DLG2: variants seen among roughly 807,000 people sequenced by gnomAD.
DLG2 encodes discs large MAGUK scaffold protein 2.
A neutral mutation model predicts 132.5 loss-of-function variants in DLG2; 45 were observed. That is an observed-to-expected ratio of 0.34 (90% CI 0.27 to 0.44). The LOEUF is 0.44. Among genes scored for constraint, DLG2 ranks in the 20% least tolerant of loss-of-function variants. The probability of loss-of-function intolerance (pLI) is 1.00; values close to 1 mark genes in which losing one functional copy is unlikely to be tolerated. For synonymous variants in DLG2, 424 were observed against 419.6 expected (o/e 1.01, Z -0.13); for missense variants, 1,045 against 1,196.9 (o/e 0.87, Z 1.87).
chr11:84,567,584 C>G (rs980531477), intron 6 of DLG2, among the ~76,000 whole-genome samples: 1 of 152,158 alleles, frequency 6.6e-6, no homozygotes. Flanking sequence ...TAGCACTTGA[C>G]AAACTATTAA....
chr11:83,656,303 G>A (rs2072423370), intron 18 of DLG2, among the ~76,000 whole-genome samples: 1 of 152,184 alleles, frequency 6.6e-6, no homozygotes, highest in African/African-American at 2.4e-5. Context: ...AGGCCCGGTT[G>A]AATCCCTGCA....
chr11:85,270,257 T>C (rs1164785896), intron 4 of DLG2, among the ~76,000 whole-genome samples: 4 of 152,006 alleles, frequency 2.6e-5, no homozygotes, highest in Admixed American at 2.0e-4. Context: ...ATAAGTCTCA[T>C]GAGATCTGAT....
chr11:84,050,257 T>C (rs1267744219), intron 11 of DLG2, among the ~76,000 whole-genome samples: 1 of 151,358 alleles, frequency 6.6e-6, no homozygotes, highest in Non-Finnish European at 1.5e-5. Flanking sequence ...GGACCAGCAA[T>C]GAAGCCTATT....
chr11:85,110,256 C>A (rs534569443), intron 6 of DLG2, among the ~76,000 whole-genome samples: 27 of 150,950 alleles, frequency 1.8e-4, no homozygotes, highest in African/African-American at 6.3e-4. Context: ...ACCAAAAATA[C>A]GAAAAAAAAA....
In DLG2 at chr11:84,069,365, C is replaced by A. The variant is rs544629487; in HGVS notation, c.750-9881G>T. On this transcript the variant is annotated intron_variant, in intron 10 of 27. Coordinates refer to ENST00000376104, the MANE Select transcript of DLG2 (RefSeq NM_001142699.3). Reference sequence around the variant, plus strand: ...CCAAACCCAACCCCTCTATTTGCAGCTTTTCATTATTTGGAACAAAGCCTC... The same window carrying A: ...CCAAACCCAACCCCTCTATTTGCAGATTTTCATTATTTGGAACAAAGCCTC... 2.6e-5 allele frequency among the ~76,000 whole-genome samples: 4 copies of A among 152,296 alleles called. No individual in the cohort carries two copies. The South Asian group carries it at 6.2e-4, about 24-fold the overall frequency.
chr11:84,123,335 C>G (rs1035327919), intron 9 of DLG2, among the ~76,000 whole-genome samples: 4 of 152,154 alleles, frequency 2.6e-5, no homozygotes, highest in African/African-American at 9.7e-5. Context: ...CTTGGGTTAT[C>G]AGATCTTGGT....
chr11:84,991,199 A>G (rs951653747), intron 6 of DLG2, among the ~76,000 whole-genome samples: 12 of 152,200 alleles, frequency 7.9e-5, no homozygotes, highest in African/African-American at 2.9e-4. Context: ...GAGATTAAGT[A>G]TAAGATGAAG....
chr11:85,188,522 T>G (rs1275468049), intron 4 of DLG2, among the ~76,000 whole-genome samples: 1 of 151,976 alleles, frequency 6.6e-6, no homozygotes, highest in Non-Finnish European at 1.5e-5. Flanking sequence ...CAACAGAAAC[T>G]CTCTTAATGA....
chr11:84,300,441 T>C (rs1338134772), intron 7 of DLG2, among the ~76,000 whole-genome samples: 2 of 152,196 alleles, frequency 1.3e-5, no homozygotes, highest in Non-Finnish European at 2.9e-5. Context: ...GACAGGTGCA[T>C]AGATCACTCA....
chr11:85,137,769 A>G (rs1334064697), intron 5 of DLG2, among the ~76,000 whole-genome samples: 1 of 152,116 alleles, frequency 6.6e-6, no homozygotes, highest in Non-Finnish European at 1.5e-5. Flanking sequence ...TTCCCCATAT[A>G]CCCAGAACAG....
intron 3 of DLG2, among the ~76,000 whole-genome samples, chr11:85,343,452 A>C (rs1247792945): frequency 6.6e-6 from 1 of 152,130 alleles, no homozygotes; most frequent in Non-Finnish European, 1.5e-5. Context: ...TTCCAGATTT[A>C]ATACCATGCC....
chr11:85,423,899 G>A (rs929710757), intron 3 of DLG2, among the ~76,000 whole-genome samples: 3 of 152,046 alleles, frequency 2.0e-5, no homozygotes, highest in Non-Finnish European at 4.4e-5. Context: ...CCCCACCTAC[G>A]GAGTCTGTAC....
intron 2 of DLG2, among the ~76,000 whole-genome samples, chr11:85,612,520 A>C (rs2081076856): frequency 6.6e-6 from 1 of 152,250 alleles, no homozygotes; most frequent in East Asian, 1.9e-4. Flanking sequence ...GTACTTACAG[A>C]ATCAGGAAGG....
At chr11:84,983,942 A>C (rs1014384735) in intron 6 of DLG2, among the ~76,000 whole-genome samples, 2 of 152,156 alleles carry the variant, frequency 1.3e-5, no homozygotes, top group South Asian at 2.1e-4. Flanking sequence ...CAATCCAACA[A>C]AGACAAAGAA....
intron 7 of DLG2, among the ~76,000 whole-genome samples, chr11:84,404,216 C>T (rs150815151): frequency 8.6e-5 from 13 of 152,024 alleles, no homozygotes; most frequent in African/African-American, 2.9e-4. Flanking sequence ...CCTTGCTGCT[C>T]TCATCTTCTC....
At chr11:84,595,055 G>A (rs928315237) in intron 6 of DLG2, among the ~76,000 whole-genome samples, 1 of 152,140 alleles carries the variant, frequency 6.6e-6, no homozygotes, top group African/African-American at 2.4e-5. Flanking sequence ...GCAGCACTTT[G>A]TAAAATGGAG....
At chr11:83,819,462 T>A (rs2050066824) in intron 17 of DLG2, among the ~76,000 whole-genome samples, 1 of 70,610 alleles carries the variant, frequency 1.4e-5, no homozygotes, top group African/African-American at 6.1e-5. Context: ...AGAGCAAGAC[T>A]CTATCTCAAA....
chr11:83,887,989 T>G, intron 15 of DLG2, among the ~76,000 whole-genome samples: 1 of 138,906 alleles, frequency 7.2e-6, no homozygotes, highest in African/African-American at 2.7e-5. Flanking sequence ...CCACAGCCAA[T>G]ATCATACTGA....
intron 4 of DLG2, among the ~76,000 whole-genome samples, chr11:85,253,351 T>C (rs2076494675): frequency 6.6e-6 from 1 of 152,214 alleles, no homozygotes; most frequent in Non-Finnish European, 1.5e-5. Flanking sequence ...TGAAGCAGGA[T>C]ATTTCCCTGA....
Sources: allele counts gnomAD v4.1 joint callset (sites outside exome capture counted in the v4.1 genomes callset), GRCh38; gene constraint gnomAD v4.1.1; transcripts MANE v1.5; gene names NCBI Gene and HGNC (gene_info 2026-07-23, HGNC 2026-07-21).